The following ADGRL3 variants were observed in gnomAD, a reference collection of about 807,000 sequenced individuals.
ADGRL3 encodes the protein calcium-independent alpha-latrotoxin receptor 3.
In ADGRL3, 62 loss-of-function variants were observed where a neutral mutation model predicts 153.5. The ratio of observed to expected loss-of-function variants is 0.40; its 90% confidence interval spans 0.33 to 0.50. The LOEUF (loss-of-function observed/expected upper bound fraction) is 0.50, where lower values mean the gene tolerates loss of function less well. Among genes scored for constraint, ADGRL3 ranks in the 20% least tolerant of loss-of-function variants. The pLI, the probability that ADGRL3 is intolerant of heterozygous loss-of-function variation, is 0.47. For missense variants in ADGRL3, 1,641 were observed against 1,859.4 expected (o/e 0.88, Z 2.16); for synonymous variants, 710 against 672.5 (o/e 1.06, Z -0.86).
chr4:61,246,112 A>C (rs1006994354), intron 1 of ADGRL3, among the ~76,000 whole-genome samples: 4 of 151,332 alleles, frequency 2.6e-5, no homozygotes, highest in Admixed American at 2.6e-4. Flanking sequence ...AAAATCTACA[A>C]CTCTTTTCAG....
chr4:61,454,636 A>G (rs1029042432), intron 2 of ADGRL3, among the ~76,000 whole-genome samples: 6 of 152,146 alleles, frequency 3.9e-5, no homozygotes, highest in Non-Finnish European at 8.8e-5. Flanking sequence ...TGGCTAAACA[A>G]GTGGTAAGCT....
In ADGRL3 at chr4:61,977,748, A is replaced by G. The variant is rs868327838; in HGVS notation, c.2806-1815A>G. The stretch of plus-strand genomic sequence containing the variant: ...GGATGAAGTTAAAAAAATGAAGAAA[A>G]CCTGGATATGTGTTTTTTAAATGTC... On this transcript the variant is annotated intron_variant, in intron 17 of 26. Coordinates refer to ENST00000683033, the MANE Select transcript of ADGRL3 (RefSeq NM_001387552.1). 5.9e-5 allele frequency among the ~76,000 whole-genome samples: 9 copies of G among 152,032 alleles called. No individual in the cohort carries two copies. The South Asian group carries it at 1.0e-3, about 18-fold the overall frequency.
intron 9 of ADGRL3, among the ~76,000 whole-genome samples, chr4:61,871,431 T>C (rs2098444985): frequency 6.6e-6 from 1 of 152,178 alleles, no homozygotes; most frequent in Non-Finnish European, 1.5e-5. Flanking sequence ...AATCTCATTG[T>C]GCGATCAAAA....
intron 2 of ADGRL3, chr4:61,385,482 G>T (rs897771331): frequency 6.6e-6 from 1 of 152,180 alleles, no homozygotes; most frequent in Non-Finnish European, 1.5e-5. Flanking sequence ...GGCCTGGAAT[G>T]TATAACCTCA....
intron 1 of ADGRL3, among the ~76,000 whole-genome samples, chr4:61,339,190 T>C (rs1470237361): frequency 6.6e-6 from 1 of 152,104 alleles, no homozygotes; most frequent in Non-Finnish European, 1.5e-5. Context: ...ATTATAAGAG[T>C]AGTCCTATTA....
At chr4:61,441,796 GCTTT>G (rs2097531554) in intron 2 of ADGRL3, among the ~76,000 whole-genome samples, 1 of 152,094 alleles carries the variant, frequency 6.6e-6, no homozygotes, top group African/African-American at 2.4e-5. Context: ...GATTGAATAT[GCTTT>G]CTTTCTAGTA....
intron 8 of ADGRL3, among the ~76,000 whole-genome samples, chr4:61,747,994 A>G (rs1273301698): frequency 2.6e-5 from 4 of 152,034 alleles, no homozygotes; most frequent in Admixed American, 6.6e-5. Flanking sequence ...TAAGCTGATA[A>G]GCAACTTCAG....
intron 1 of ADGRL3, among the ~76,000 whole-genome samples, chr4:61,292,082 T>C (rs977598211): frequency 1.3e-5 from 2 of 151,700 alleles, no homozygotes; most frequent in Admixed American, 6.6e-5. Context: ...GTACTGCTCA[T>C]TGATGGTATA....
chr4:61,929,098 A>G (rs2098806655), intron 13 of ADGRL3, among the ~76,000 whole-genome samples: 1 of 152,128 alleles, frequency 6.6e-6, no homozygotes, highest in Non-Finnish European at 1.5e-5. Flanking sequence ...CCCATAATTC[A>G]TGTGTTGAAA....
At chr4:61,863,079 T>C (rs1477650352) in intron 9 of ADGRL3, among the ~76,000 whole-genome samples, 2 of 152,146 alleles carry the variant, frequency 1.3e-5, no homozygotes, top group Non-Finnish European at 2.9e-5. Flanking sequence ...GTGTGACTCC[T>C]CTCTGAGAAG....
At chr4:61,313,431 A>G (rs1402543544) in intron 1 of ADGRL3, among the ~76,000 whole-genome samples, 1 of 152,178 alleles carries the variant, frequency 6.6e-6, no homozygotes, top group Non-Finnish European at 1.5e-5. Context: ...CAGCAGTAAA[A>G]AATGTACCAC....
intron 13 of ADGRL3, among the ~76,000 whole-genome samples, chr4:61,932,135 C>G (rs998938567): frequency 6.6e-6 from 1 of 151,988 alleles, no homozygotes; most frequent in Non-Finnish European, 1.5e-5. Flanking sequence ...CATCTGCAGA[C>G]AGGGACAATT....
intron 21 of ADGRL3, among the ~76,000 whole-genome samples, chr4:62,013,488 G>A: frequency 6.6e-6 from 1 of 151,784 alleles, no homozygotes; most frequent in Non-Finnish European, 1.5e-5. Flanking sequence ...GTTGCAGTGA[G>A]CCAAGATCAC....
chr4:61,636,399 C>A (rs190696218), intron 5 of ADGRL3, among the ~76,000 whole-genome samples: 1 of 152,062 alleles, frequency 6.6e-6, no homozygotes, highest in Non-Finnish European at 1.5e-5. Context: ...TGGTGTACAA[C>A]ATGTGGGCTA....
At chr4:61,428,667 C>T (rs1034810263) in intron 2 of ADGRL3, among the ~76,000 whole-genome samples, 4 of 152,106 alleles carry the variant, frequency 2.6e-5, no homozygotes, top group African/African-American at 7.2e-5. Flanking sequence ...GTTTTCTCAT[C>T]TGTAAAATTG....
At chr4:61,446,327 T>C (rs1379291108) in intron 2 of ADGRL3, among the ~76,000 whole-genome samples, 2 of 152,220 alleles carry the variant, frequency 1.3e-5, no homozygotes, top group East Asian at 3.9e-4. Context: ...TCTAGCCTTT[T>C]CTATTCTTCT....
chr4:61,353,970 T>C (rs2096110146), intron 1 of ADGRL3, among the ~76,000 whole-genome samples: 1 of 152,172 alleles, frequency 6.6e-6, no homozygotes, highest in Admixed American at 6.5e-5. Context: ...CATTTTTCTA[T>C]GTGTACCCTA....
intron 5 of ADGRL3, among the ~76,000 whole-genome samples, chr4:61,648,300 A>C (rs746659327): frequency 3.2e-4 from 49 of 151,368 alleles, no homozygotes; most frequent in Non-Finnish European, 6.8e-4. Context: ...TTTTATACTT[A>C]ATCCAGGATT....
chr4:61,698,312 C>A (rs1475227273), intron 6 of ADGRL3, among the ~76,000 whole-genome samples: 1 of 151,886 alleles, frequency 6.6e-6, no homozygotes, highest in Non-Finnish European at 1.5e-5. Context: ...ATTAGCCAGG[C>A]GTGGTAGCAG....
Sources: gnomAD v4.1 joint callset for allele counts (sites outside exome capture counted in the v4.1 genomes callset) on GRCh38, gnomAD v4.1.1 for gene constraint, MANE v1.5 for transcripts, NCBI Gene and HGNC (gene_info 2026-07-23, HGNC 2026-07-21) for gene names.